WASHC3: variants seen among roughly 807,000 people sequenced by gnomAD.
WASHC3 encodes the protein WASH complex subunit 3.
WASHC3 carries 24 observed loss-of-function variants against 26.1 expected under a neutral mutation model. The ratio of observed to expected loss-of-function variants is 0.92; its 90% CI spans 0.66 to 1.29. The LOEUF (loss-of-function observed/expected upper bound fraction) is 1.29, where lower values mean the gene tolerates loss of function less well. Among genes scored for constraint, WASHC3 ranks in the 50% most tolerant of loss-of-function variants. WASHC3 has a pLI of 0.00. For synonymous variants in WASHC3, 77 were observed against 75.7 expected, an observed-to-expected ratio of 1.02 and a Z score of -0.09; for missense variants, 214 against 229.6, an observed-to-expected ratio of 0.93 and a Z score of 0.44.
chr12:102,026,066 T>C, intron 5 of WASHC3, 28 bp from the exon 6 acceptor site: 1 of 1,301,842 alleles, frequency 7.7e-7, no homozygotes, highest in East Asian at 2.5e-5. Context: ...GATAATTTCA[T>C]CATTAAAAAT....
intron 5 of WASHC3, among the ~76,000 whole-genome samples, chr12:102,029,299 T>G (rs1457454978): frequency 6.6e-6 from 1 of 152,206 alleles, no homozygotes; most frequent in African/African-American, 2.4e-5. Context: ...TCTACTGAAC[T>G]GTGGGATTTT....
intron 2 of WASHC3, among the ~76,000 whole-genome samples, chr12:102,049,630 C>T (rs992396390): frequency 6.6e-6 from 1 of 151,958 alleles, no homozygotes; most frequent in South Asian, 2.1e-4. Context: ...AAATAAAATG[C>T]TGGTTTTTCA....
chr12:102,055,429 T>C (rs1382269935), intron 2 of WASHC3, among the ~76,000 whole-genome samples: 45 of 152,184 alleles, frequency 3.0e-4, no homozygotes. Flanking sequence ...CACTGCAACC[T>C]CCACCTCCCA....
intron 5 of WASHC3, among the ~76,000 whole-genome samples, chr12:102,033,426 TGAG>T (rs1264876669): frequency 3.3e-5 from 5 of 152,114 alleles, no homozygotes; most frequent in Non-Finnish European, 5.9e-5. Flanking sequence ...AAAAGATTGT[TGAG>T]GAGCTATGTA....
intron 5 of WASHC3, among the ~76,000 whole-genome samples, chr12:102,039,270 C>T (rs141077676): frequency 4.0e-5 from 6 of 151,852 alleles, no homozygotes; most frequent in Non-Finnish European, 5.9e-5. Flanking sequence ...GTCACTGCGC[C>T]AGGCTTTAAC....
intron 2 of WASHC3, among the ~76,000 whole-genome samples, chr12:102,046,552 A>G (rs1249811447): frequency 6.6e-6 from 1 of 152,190 alleles, no homozygotes; most frequent in African/African-American, 2.4e-5. Context: ...TTGGCCTCCC[A>G]AAGTGCTGTG....
chr12:102,045,595 T>C (rs907521510), intron 3 of WASHC3, among the ~76,000 whole-genome samples: 1 of 152,248 alleles, frequency 6.6e-6, no homozygotes, highest in East Asian at 1.9e-4. Context: ...TTCTTAGTTA[T>C]TATTTGCAAT....
At chr12:102,027,813 T>C (rs562554306) in intron 5 of WASHC3, among the ~76,000 whole-genome samples, 1 of 152,284 alleles carries the variant, frequency 6.6e-6, no homozygotes, top group South Asian at 2.1e-4. Flanking sequence ...GGCCCATTTA[T>C]ATACTTATCT....
At chr12:102,061,817 G>C in intron 1 of WASHC3, 95 bp downstream of exon 1, 1 of 1,084,376 alleles carries the variant, frequency 9.2e-7, no homozygotes, top group East Asian at 2.6e-5. Flanking sequence ...GCCGTGACAG[G>C]GTGGGGACTC....
At chr12:102,038,649 C>A (rs995430516) in intron 5 of WASHC3, among the ~76,000 whole-genome samples, 2 of 151,926 alleles carry the variant, frequency 1.3e-5, no homozygotes, top group African/African-American at 4.8e-5. Context: ...TTGTTTTATT[C>A]TTGTTAATTA....
intron 6 of WASHC3, among the ~76,000 whole-genome samples, chr12:102,017,490 G>A (rs1399534202): frequency 6.6e-6 from 1 of 152,170 alleles, no homozygotes; most frequent in Non-Finnish European, 1.5e-5. Flanking sequence ...AACAGAGAAG[G>A]CGGAAATAAA....
chr12:102,031,788 T>C (rs1247273342), intron 5 of WASHC3, among the ~76,000 whole-genome samples: 3 of 152,146 alleles, frequency 2.0e-5, no homozygotes, highest in Non-Finnish European at 4.4e-5. Context: ...ATATTATACC[T>C]ATAGTTAAAA....
intron 2 of WASHC3, among the ~76,000 whole-genome samples, chr12:102,059,303 T>C (rs564986329): frequency 5.3e-5 from 8 of 152,298 alleles, no homozygotes; most frequent in African/African-American, 1.9e-4. Context: ...TTGTACATCA[T>C]AAAAATACAA....
intron 6 of WASHC3, among the ~76,000 whole-genome samples, chr12:102,023,197 G>GTA (rs925093027): frequency 6.6e-6 from 1 of 151,846 alleles, no homozygotes; most frequent in African/African-American, 2.4e-5. Flanking sequence ...CCCTTATCAT[G>GTA]TAAATATTTT....
At chr12:102,029,054 A>G (rs1003187680) in intron 5 of WASHC3, among the ~76,000 whole-genome samples, 1 of 152,188 alleles carries the variant, frequency 6.6e-6, no homozygotes, top group Non-Finnish European at 1.5e-5. Flanking sequence ...AATCTCATAA[A>G]GCTTGATAAA....
chr12:102,030,542 C>G (rs1229426772), intron 5 of WASHC3, among the ~76,000 whole-genome samples: 1 of 151,876 alleles, frequency 6.6e-6, no homozygotes, highest in African/African-American at 2.4e-5. Flanking sequence ...AAAATGGAAA[C>G]TTTATTTCTA....
intron 2 of WASHC3, chr12:102,050,089 A>G (rs1878325964): frequency 8.7e-6 from 2 of 229,612 alleles, no homozygotes; most frequent in Non-Finnish European, 1.8e-5. Context: ...AGGCCGAAGC[A>G]GGCAGATGAG....
chr12:102,049,154 G>T (rs1423535902), intron 2 of WASHC3, among the ~76,000 whole-genome samples: 1 of 152,170 alleles, frequency 6.6e-6, no homozygotes, highest in East Asian at 1.9e-4. Context: ...TTTGCTGCAG[G>T]GGACTGTCCT....
chr12:102,025,405 T>C (rs888507066), intron 6 of WASHC3, among the ~76,000 whole-genome samples: 1 of 152,024 alleles, frequency 6.6e-6, no homozygotes, highest in Non-Finnish European at 1.5e-5. Flanking sequence ...TTTATAAAAT[T>C]CACACAATAA....
Sources: allele counts gnomAD v4.1 joint callset (sites outside exome capture counted in the v4.1 genomes callset), GRCh38; gene constraint gnomAD v4.1.1; transcripts MANE v1.5; gene names NCBI Gene and HGNC (gene_info 2026-07-23, HGNC 2026-07-21).